EXOC4: variants seen among roughly 807,000 people sequenced by gnomAD.
EXOC4 encodes the protein exocyst complex component 4.
In EXOC4, 71 loss-of-function variants were observed where a neutral mutation model predicts 107.2. The observed-to-expected ratio is 0.66, with a 90% CI of 0.55 to 0.81. EXOC4 has a LOEUF of 0.81. Among genes scored for constraint, EXOC4 ranks in the 30% least tolerant of loss-of-function variants. EXOC4 has a pLI of 0.00. For synonymous variants in EXOC4, 456 were observed against 441.2 expected (o/e 1.03, Z -0.42); for missense variants, 1,108 against 1,189.6 (o/e 0.93, Z 1.01).
chr7:133,271,270 TCAGA>T (rs570168240), intron 1 of EXOC4, among the ~76,000 whole-genome samples: 50 of 152,150 alleles, frequency 3.3e-4, no homozygotes, highest in Admixed American at 3.3e-4. Flanking sequence ...AATATTTATC[TCAGA>T]CAAACATTTA....
intron 6 of EXOC4, among the ~76,000 whole-genome samples, chr7:133,366,152 G>A (rs1307584700): frequency 1.3e-5 from 2 of 152,198 alleles, no homozygotes; most frequent in Admixed American, 1.3e-4. Context: ...GATTCAGATA[G>A]TCTTATCTCA....
chr7:133,874,761 C>T (rs974722781), intron 11 of EXOC4, among the ~76,000 whole-genome samples: 6 of 152,244 alleles, frequency 3.9e-5, no homozygotes, highest in African/African-American at 1.4e-4. Context: ...CAGACTTCCT[C>T]CTCTGACATG....
At chr7:133,819,710 T>C (rs972982214) in intron 11 of EXOC4, among the ~76,000 whole-genome samples, 1 of 152,106 alleles carries the variant, frequency 6.6e-6, no homozygotes, top group Non-Finnish European at 1.5e-5. Flanking sequence ...CTATATGCCA[T>C]ACAGAGCAAC....
intron 17 of EXOC4, among the ~76,000 whole-genome samples, chr7:134,036,719 T>G (rs1010153742): frequency 6.6e-6 from 1 of 152,212 alleles, no homozygotes; most frequent in Non-Finnish European, 1.5e-5. Context: ...CATTTACATA[T>G]GTAGATATTC....
chr7:133,507,999 G>T lies in EXOC4; in HGVS notation c.1417+27861G>T, dbSNP rs554067219. Among the ~76,000 whole-genome samples the T allele has an allele frequency of 4.6e-5, 7 of 152,190 alleles. No individual in the cohort carries two copies. In the South Asian group the frequency reaches 1.5e-3, roughly 32 times the overall value. ...CACTTGAACCTGGAAGGCAGAGGTT[G>T]CAGTGAACCAAGATCGCGCCATTGC... On this transcript the variant is annotated intron_variant, in intron 9 of 17. Coordinates refer to ENST00000253861, the MANE Select transcript of EXOC4 (RefSeq NM_021807.4).
intron 5 of EXOC4, among the ~76,000 whole-genome samples, chr7:133,330,621 C>T (rs529480321): frequency 6.3e-4 from 96 of 151,362 alleles, no homozygotes; most frequent in African/African-American, 2.2e-3. Flanking sequence ...GTATCTAGTC[C>T]GGAGTGCACT....
chr7:133,313,612 A>G (rs537397756), intron 4 of EXOC4, among the ~76,000 whole-genome samples: 1 of 152,342 alleles, frequency 6.6e-6, no homozygotes, highest in Non-Finnish European at 1.5e-5. Flanking sequence ...AAGTGAAGGA[A>G]CAGAAATATG....
intron 14 of EXOC4, among the ~76,000 whole-genome samples, chr7:133,970,756 C>T (rs947678379): frequency 5.3e-5 from 8 of 152,104 alleles, no homozygotes; most frequent in African/African-American, 1.4e-4. Flanking sequence ...GCGTTGATCT[C>T]GCTGGGAGCT....
intron 9 of EXOC4, among the ~76,000 whole-genome samples, chr7:133,491,902 A>G (rs1309502534): frequency 6.6e-6 from 1 of 152,172 alleles, no homozygotes; most frequent in Non-Finnish European, 1.5e-5. Context: ...GAACACACAG[A>G]TGTTTGAGAA....
At chr7:133,902,248 G>A (rs372433950) in intron 12 of EXOC4, among the ~76,000 whole-genome samples, 3 of 152,162 alleles carry the variant, frequency 2.0e-5, no homozygotes, top group East Asian at 3.8e-4. Context: ...GATCAGCAGT[G>A]GTTCTGTGAT....
At chr7:133,398,183 TTTTCTG>T (rs1797013823) in intron 7 of EXOC4, among the ~76,000 whole-genome samples, 1 of 152,090 alleles carries the variant, frequency 6.6e-6, no homozygotes, top group African/African-American at 2.4e-5. Flanking sequence ...AGAATAAGGA[TTTTCTG>T]CTAGAGGGAA....
At chr7:133,548,120 G>A (rs1032528942) in intron 9 of EXOC4, among the ~76,000 whole-genome samples, 6 of 151,878 alleles carry the variant, frequency 4.0e-5, no homozygotes, top group South Asian at 2.1e-4. Flanking sequence ...AAACAATCTC[G>A]TTTTTATGTC....
intron 17 of EXOC4, among the ~76,000 whole-genome samples, chr7:134,037,398 A>C (rs1421099056): frequency 1.3e-5 from 2 of 152,230 alleles, no homozygotes; most frequent in Non-Finnish European, 2.9e-5. Flanking sequence ...AAAGCATGAG[A>C]TGATGGGTGA....
intron 7 of EXOC4, among the ~76,000 whole-genome samples, chr7:133,419,601 GT>G (rs1797555957): frequency 6.6e-6 from 1 of 152,030 alleles, no homozygotes; most frequent in African/African-American, 2.4e-5. Flanking sequence ...GGAGGATATG[GT>G]TTTTGTGTTT....
At chr7:133,828,898 G>A (rs77309275) in intron 11 of EXOC4, among the ~76,000 whole-genome samples, 2,353 of 152,202 alleles carry the variant, frequency 0.015, 60 homozygotes, top group African/African-American at 0.053. Context: ...TTAGGAAACC[G>A]GAATTCCTCA....
chr7:133,384,504 TG>T (rs1409203367), intron 7 of EXOC4, among the ~76,000 whole-genome samples: 1 of 152,154 alleles, frequency 6.6e-6, no homozygotes, highest in Non-Finnish European at 1.5e-5. Context: ...TTGGTGCACC[TG>T]GGCCAAGGCA....
chr7:133,989,137 A>G (rs1244352481), intron 14 of EXOC4, among the ~76,000 whole-genome samples: 3 of 152,214 alleles, frequency 2.0e-5, no homozygotes, highest in African/African-American at 7.2e-5. Context: ...ATATTTGTAA[A>G]TAAAATTGGT....
At chr7:133,700,112 T>C (rs575811755) in intron 10 of EXOC4, among the ~76,000 whole-genome samples, 1 of 152,300 alleles carries the variant, frequency 6.6e-6, no homozygotes, top group African/African-American at 2.4e-5. Flanking sequence ...ACTGGAATCA[T>C]GGCCAGTGGA....
intron 9 of EXOC4, among the ~76,000 whole-genome samples, chr7:133,569,934 A>G (rs1170024629): frequency 6.6e-6 from 1 of 152,182 alleles, no homozygotes; most frequent in Admixed American, 6.5e-5. Context: ...ACCAGTGTAC[A>G]TACTTGTCTT....
Sources: allele counts gnomAD v4.1 joint callset (sites outside exome capture counted in the v4.1 genomes callset), GRCh38; gene constraint gnomAD v4.1.1; transcripts MANE v1.5; gene names NCBI Gene and HGNC (gene_info 2026-07-23, HGNC 2026-07-21).